Variants in ZNF475 observed in about 807,000 individuals in gnomAD.
The protein encoded by ZNF475 is zinc finger protein 475.
At chr5:122,168,476 C>G in the ZNF475 span, among the ~76,000 whole-genome samples, 1 of 152,156 alleles carries the variant, frequency 6.6e-6, no homozygotes, top group Non-Finnish European at 1.5e-5. Flanking sequence ...TTTGTGAGGC[C>G]AAGGTGGATG....
At chr5:122,161,397 A>C in the ZNF475 span, among the ~76,000 whole-genome samples, 1 of 152,222 alleles carries the variant, frequency 6.6e-6, no homozygotes, top group Non-Finnish European at 1.5e-5. Flanking sequence ...TTAAAGCTTC[A>C]AGTAATTGGA....
the ZNF475 span, among the ~76,000 whole-genome samples, chr5:122,173,900 T>C: frequency 6.6e-6 from 1 of 152,368 alleles, no homozygotes; most frequent in Admixed American, 6.5e-5. Flanking sequence ...AGCAAAATAC[T>C]ATCTATCTGA....
At chr5:122,177,285 G>A in the ZNF475 span, among the ~76,000 whole-genome samples, 1 of 152,316 alleles carries the variant, frequency 6.6e-6, no homozygotes, top group South Asian at 2.1e-4. Flanking sequence ...GTAGAAAGTT[G>A]TTGACATGAT....
chr5:122,181,685 T>C, the ZNF475 span, among the ~76,000 whole-genome samples: 28 of 152,342 alleles, frequency 1.8e-4, no homozygotes, highest in South Asian at 4.8e-3. Context: ...GAGTGCCTTG[T>C]TACATTTTGG....
At chr5:122,175,630 A>G in the ZNF475 span, among the ~76,000 whole-genome samples, 1 of 152,190 alleles carries the variant, frequency 6.6e-6, no homozygotes, top group Non-Finnish European at 1.5e-5. Flanking sequence ...TACTTAGAAG[A>G]CTAAGTCCAT....
At chr5:122,168,296 G>A in the ZNF475 span, among the ~76,000 whole-genome samples, 9 of 152,258 alleles carry the variant, frequency 5.9e-5, no homozygotes, top group South Asian at 8.3e-4. Flanking sequence ...CGCCCGCCTC[G>A]GCCTCCCCTG....
the ZNF475 span, chr5:122,179,461 C>T: frequency 1.8e-6 from 1 of 556,676 alleles, no homozygotes; most frequent in Non-Finnish European, 3.0e-6. Context: ...CCTTCATATC[C>T]CTTGTAAGTT....
the ZNF475 span, among the ~76,000 whole-genome samples, chr5:122,168,325 A>G: frequency 2.0e-5 from 3 of 147,660 alleles, no homozygotes; most frequent in Non-Finnish European, 4.4e-5. Context: ...GGCGTGAGCC[A>G]CTACACCTGG....
At chr5:122,171,792 G>C in the ZNF475 span, among the ~76,000 whole-genome samples, 1 of 151,114 alleles carries the variant, frequency 6.6e-6, no homozygotes, top group Non-Finnish European at 1.5e-5. Context: ...ACAGTGGAGT[G>C]CAGTGGCACG....
At chr5:122,179,440 C>T in the ZNF475 span, 2 of 495,236 alleles carry the variant, frequency 4.0e-6, no homozygotes, top group Non-Finnish European at 7.0e-6. Context: ...TATAGCTCTC[C>T]TTGAAGAAGT....
chr5:122,169,525 G>A, the ZNF475 span, among the ~76,000 whole-genome samples: 5,919 of 152,194 alleles, frequency 0.039, 378 homozygotes, highest in African/African-American at 0.13. Context: ...CCAGTTTGGC[G>A]TGGCTCAAAG....
At chr5:122,176,530 C>T in the ZNF475 span, among the ~76,000 whole-genome samples, 1 of 152,008 alleles carries the variant, frequency 6.6e-6, no homozygotes, top group Admixed American at 6.6e-5. Context: ...TTAGACAGGC[C>T]CTGGGTTCCT....
At chr5:122,171,343 A>T in the ZNF475 span, among the ~76,000 whole-genome samples, 3 of 152,150 alleles carry the variant, frequency 2.0e-5, no homozygotes, top group African/African-American at 7.2e-5. Context: ...AAGTTACCCC[A>T]CACTCCCCTA....
the ZNF475 span, among the ~76,000 whole-genome samples, chr5:122,177,111 T>C: frequency 6.6e-6 from 1 of 152,212 alleles, no homozygotes; most frequent in East Asian, 1.9e-4. Flanking sequence ...AACAAGCGAC[T>C]GTGGTACAAT....
the ZNF475 span, among the ~76,000 whole-genome samples, chr5:122,166,788 G>T: frequency 2.0e-5 from 3 of 152,304 alleles, no homozygotes; most frequent in East Asian, 5.8e-4. Context: ...GAATAGTGCT[G>T]CAATAAACAT....
At chr5:122,170,869 C>T in the ZNF475 span, among the ~76,000 whole-genome samples, 4 of 152,172 alleles carry the variant, frequency 2.6e-5, no homozygotes, top group East Asian at 1.9e-4. Context: ...TCATCACTCC[C>T]GGGGATTCCA....
the ZNF475 span, among the ~76,000 whole-genome samples, chr5:122,178,703 G>T: frequency 6.6e-6 from 1 of 152,052 alleles, no homozygotes; most frequent in African/African-American, 2.4e-5. Context: ...CACTCTGATG[G>T]TAGTTTCTTT....
chr5:122,168,046 T>C, the ZNF475 span, among the ~76,000 whole-genome samples: 1 of 152,164 alleles, frequency 6.6e-6, no homozygotes, highest in Non-Finnish European at 1.5e-5. Flanking sequence ...GTGTTTTGTT[T>C]TGTTCTTTGT....
At chr5:122,160,863 C>G in the ZNF475 span, among the ~76,000 whole-genome samples, 12 of 152,316 alleles carry the variant, frequency 7.9e-5, no homozygotes, top group Admixed American at 7.2e-4. Flanking sequence ...CATACTGAAT[C>G]TTTATATAAT....
Sources: gnomAD v4.1 joint callset for allele counts (sites outside exome capture counted in the v4.1 genomes callset) on GRCh38, gnomAD v4.1.1 for gene constraint, MANE v1.5 for transcripts, NCBI Gene and HGNC (gene_info 2026-07-23, HGNC 2026-07-21) for gene names.